VAV3: variants seen among roughly 807,000 people sequenced by gnomAD.
VAV3 encodes vav guanine nucleotide exchange factor 3.
In VAV3, 94 loss-of-function variants were observed where a neutral mutation model predicts 131.2. The ratio of observed to expected loss-of-function variants is 0.72; its 90% CI spans 0.61 to 0.85. The LOEUF (loss-of-function observed/expected upper bound fraction) is 0.85. VAV3 is among the 40% of genes least tolerant of loss of function. The pLI, the probability that VAV3 is intolerant of heterozygous loss-of-function variation, is 0.00. For missense variants in VAV3, 939 were observed against 1,002.7 expected (o/e 0.94, Z 0.86); for synonymous variants, 349 against 342.0 (o/e 1.02, Z -0.22).
At chr1:107,736,529 T>A (rs7549703) in intron 15 of VAV3, among the ~76,000 whole-genome samples, 25 of 152,112 alleles carry the variant, frequency 1.6e-4, no homozygotes, top group Non-Finnish European at 3.1e-4. Flanking sequence ...ACAAAATCAA[T>A]GTGCAAAAAT....
chr1:107,813,520 ATT>A (rs1485353111), intron 2 of VAV3, among the ~76,000 whole-genome samples: 1 of 152,192 alleles, frequency 6.6e-6, no homozygotes, highest in African/African-American at 2.4e-5. Flanking sequence ...TGTATGTGAT[ATT>A]TTGTTACCAC....
At chr1:107,920,798 T>C (rs953489266) in intron 1 of VAV3, among the ~76,000 whole-genome samples, 1 of 152,222 alleles carries the variant, frequency 6.6e-6, no homozygotes, top group Admixed American at 6.5e-5. Flanking sequence ...ATCAGCACAT[T>C]TTCCCTTACG....
At chr1:107,678,122 G>A (rs1388424883) in intron 19 of VAV3, 3 of 152,004 alleles carry the variant, frequency 2.0e-5, no homozygotes. Context: ...TTGAAAAAAA[G>A]TCGGCTATTT....
chr1:107,612,307 C>T (rs187608478), intron 21 of VAV3, among the ~76,000 whole-genome samples: 208 of 151,994 alleles, frequency 1.4e-3, no homozygotes, highest in Middle Eastern at 6.9e-3. Context: ...TAAACTATCA[C>T]GATTTCATCC....
chr1:107,777,410 G>T, intron 3 of VAV3, 114 bp from the exon 4 acceptor site: 1 of 879,386 alleles, frequency 1.1e-6, no homozygotes. Flanking sequence ...TGCCAAAATG[G>T]TCAGATCAGT....
At chr1:107,713,226 T>C (rs1190491642) in intron 15 of VAV3, among the ~76,000 whole-genome samples, 1 of 152,126 alleles carries the variant, frequency 6.6e-6, no homozygotes, top group East Asian at 1.9e-4. Flanking sequence ...CTGATATTTA[T>C]TTTAAACAAA....
chr1:107,947,871 C>T (rs1219635804), intron 1 of VAV3, among the ~76,000 whole-genome samples: 5 of 152,130 alleles, frequency 3.3e-5, no homozygotes, highest in African/African-American at 1.2e-4. Flanking sequence ...GTGCCAGGTA[C>T]TGAGCCAAGA....
rs190325331 is a variant in VAV3, at chr1:107,738,026, A to G, written c.1502+10942T>C. 9.1e-3 allele frequency among the ~76,000 whole-genome samples: 1,384 copies of G among 152,372 alleles called. 23 individuals are homozygous for G. The highest frequency in any genetic ancestry group is 0.032 in the African/African-American group (1,328 of 41,584). On this transcript the variant is annotated intron_variant, in intron 15 of 26. Coordinates refer to ENST00000370056, the MANE Select transcript of VAV3 (RefSeq NM_006113.5). ...TTCACCATGGAATAACTGTGCAGCC[A>G]TAAAAAAGGATGAGTTCATGTCCTT...
chr1:107,822,697 A>T (rs1438258872), intron 2 of VAV3, among the ~76,000 whole-genome samples: 2 of 151,690 alleles, frequency 1.3e-5, no homozygotes, highest in East Asian at 3.9e-4. Flanking sequence ...AATAATAAAA[A>T]AATAATTAAA....
At chr1:107,707,874 G>A (rs1291636724) in intron 15 of VAV3, among the ~76,000 whole-genome samples, 1 of 152,178 alleles carries the variant, frequency 6.6e-6, no homozygotes, top group East Asian at 1.9e-4. Context: ...CGACAGAAAT[G>A]TCAGGATTAC....
At position 107,718,880 on chromosome 1, in the gene VAV3, C is replaced by T. The variant is rs992867176; in HGVS notation, c.1503-13819G>A. 5.4e-4 allele frequency among the ~76,000 whole-genome samples: 82 copies of T among 152,264 alleles called. 1 individual carries two copies. The highest frequency in any genetic ancestry group is 1.8e-3 in the African/African-American group (76 of 41,540). On this transcript the variant is annotated intron_variant, in intron 15 of 26. Coordinates refer to ENST00000370056, the MANE Select transcript of VAV3 (RefSeq NM_006113.5). ...AGAGATATAGACCAATGGAACAGAACAGAGGCCACAGAAATAACACCACAC... is the reference window on the plus strand; with the variant it reads ...AGAGATATAGACCAATGGAACAGAATAGAGGCCACAGAAATAACACCACAC...
At chr1:107,917,220 C>A (rs937760722) in intron 1 of VAV3, among the ~76,000 whole-genome samples, 1 of 152,128 alleles carries the variant, frequency 6.6e-6, no homozygotes, top group Non-Finnish European at 1.5e-5. Flanking sequence ...CAAGCATCAG[C>A]AGCGGCCTCA....
chr1:107,688,962 T>C (rs1339048541), intron 17 of VAV3, among the ~76,000 whole-genome samples: 1 of 152,186 alleles, frequency 6.6e-6, no homozygotes, highest in Non-Finnish European at 1.5e-5. Context: ...TCAGGATTGA[T>C]TTTAATGCTA....
chr1:107,586,400 A>C (rs1405401188), intron 25 of VAV3, among the ~76,000 whole-genome samples: 2 of 152,202 alleles, frequency 1.3e-5, no homozygotes, highest in Non-Finnish European at 2.9e-5. Flanking sequence ...AATGGTGAAG[A>C]TGCAACAACT....
intron 19 of VAV3, among the ~76,000 whole-genome samples, chr1:107,678,480 A>C (rs1284087665): frequency 6.6e-6 from 1 of 152,166 alleles, no homozygotes; most frequent in Admixed American, 6.5e-5. Context: ...GAAAAGAGAT[A>C]AAATGTATTT....
rs564221927 is a variant in VAV3 at position 107,725,527 on chromosome 1, AT to A, written c.1503-20467del. Among the ~76,000 whole-genome samples the A allele has an allele frequency of 2.1e-3, 323 of 152,110 alleles. 1 individual carries two copies. The highest frequency in any genetic ancestry group is 7.4e-3 in the African/African-American group (305 of 41,490). ...GCTAGGCAAATTCATCATTATTATT[AT>A]TTCTGAGATGGAGTCTCACTGTGTT... On this transcript the variant is annotated intron_variant, in intron 15 of 26. Coordinates refer to ENST00000370056, the MANE Select transcript of VAV3 (RefSeq NM_006113.5).
intron 19 of VAV3, among the ~76,000 whole-genome samples, chr1:107,645,932 C>T (rs1426521282): frequency 6.6e-6 from 1 of 152,034 alleles, no homozygotes; most frequent in Non-Finnish European, 1.5e-5. Context: ...GTCATTGTTG[C>T]AGAGTTTATT....
chr1:107,911,653 G>C (rs1008462909), intron 1 of VAV3, among the ~76,000 whole-genome samples: 2 of 152,196 alleles, frequency 1.3e-5, no homozygotes, highest in African/African-American at 4.8e-5. Context: ...GGCCACCATA[G>C]AGACTGCTGC....
Position 107,736,873 on chromosome 1 carries a change from A to C in VAV3, c.1502+12095T>G, listed in dbSNP as rs187022826. On this transcript the variant is annotated intron_variant, in intron 15 of 26. Transcript: ENST00000370056. Reference sequence around the variant, plus strand: ...AAACTACTTTAAAGTTCATATGGAAACAAAAAAGAGCCCGCATTGCCAAGA... The same window carrying C: ...AAACTACTTTAAAGTTCATATGGAACCAAAAAAGAGCCCGCATTGCCAAGA... 2.1e-3 allele frequency among the ~76,000 whole-genome samples: 327 copies of C among 152,248 alleles called. 1 individual carries two copies. The highest frequency in any genetic ancestry group is 7.5e-3 in the African/African-American group (312 of 41,554).
Sources: allele counts gnomAD v4.1 joint callset (sites outside exome capture counted in the v4.1 genomes callset), GRCh38; gene constraint gnomAD v4.1.1; transcripts MANE v1.5; gene names NCBI Gene and HGNC (gene_info 2026-07-23, HGNC 2026-07-21).